PRKCB: variants seen among roughly 807,000 people sequenced by gnomAD.
PRKCB encodes the protein protein kinase C beta, also known as protein kinase C beta type.
Under a neutral mutation model 81.5 loss-of-function variants are expected in PRKCB, and 13 were observed. The observed-to-expected ratio is 0.16, with a 90% CI of 0.10 to 0.25. The LOEUF (loss-of-function observed/expected upper bound fraction) is 0.25. Ranked by LOEUF, PRKCB falls within the 10% of genes least tolerant of loss-of-function variation. PRKCB has a pLI of 1.00. For synonymous variants in PRKCB, 335 were observed against 321.4 expected (o/e 1.04, Z -0.45); for missense variants, 509 against 875.7 (o/e 0.58, Z 5.29).
intron 12 of PRKCB, among the ~76,000 whole-genome samples, chr16:24,180,286 T>C (rs1967598467): frequency 6.6e-6 from 1 of 152,206 alleles, no homozygotes; most frequent in Non-Finnish European, 1.5e-5. Flanking sequence ...TCCTGGGTCA[T>C]GTCCTAGAAG....
At chr16:24,040,021 C>T (rs1021728697) in intron 5 of PRKCB, among the ~76,000 whole-genome samples, 2 of 152,194 alleles carry the variant, frequency 1.3e-5, no homozygotes, top group Admixed American at 1.3e-4. Flanking sequence ...TTAGGATTTT[C>T]CACTGACCAT....
intron 2 of PRKCB, chr16:23,893,090 T>G (rs1174210506): frequency 1.3e-5 from 2 of 152,170 alleles, no homozygotes; most frequent in African/African-American, 4.8e-5. Context: ...CTGAGATCTT[T>G]GGACAACTCC....
chr16:23,989,989 A>G lies in PRKCB; in HGVS notation c.288+1399A>G, dbSNP rs564290514. On this transcript the variant is annotated intron_variant, in intron 3 of 16. Transcript: ENST00000643927. Reference sequence around the variant, plus strand: ...TTGTCCTCTTGGGCATTTTTGTACAAGGATATAATGCTTGGAGTTGTGGCA... The same window carrying G: ...TTGTCCTCTTGGGCATTTTTGTACAGGGATATAATGCTTGGAGTTGTGGCA... Among the ~76,000 whole-genome samples, 5 of 152,240 alleles carry G rather than the reference A, an allele frequency of 3.3e-5. No individual in the cohort carries two copies. The South Asian group carries it at 1.0e-3, about 32-fold the overall frequency.
chr16:24,147,362 C>T (rs1967009204), intron 9 of PRKCB, among the ~76,000 whole-genome samples: 1 of 151,652 alleles, frequency 6.6e-6, no homozygotes, highest in Non-Finnish European at 1.5e-5. Context: ...CTGCCCAAGC[C>T]ACTTGATGGA....
chr16:23,839,349 C>T (rs1057413195), intron 2 of PRKCB, among the ~76,000 whole-genome samples: 4 of 146,178 alleles, frequency 2.7e-5, no homozygotes, highest in African/African-American at 7.6e-5. Flanking sequence ...TCAGAGCTCA[C>T]TGCAGCCTCA....
intron 10 of PRKCB, among the ~76,000 whole-genome samples, chr16:24,164,210 T>G (rs1275572969): frequency 6.6e-6 from 1 of 152,140 alleles, no homozygotes; most frequent in East Asian, 1.9e-4. Context: ...TAGGGGAAGA[T>G]TGTCTCTTTG....
chr16:23,839,610 T>G (rs182083026), intron 2 of PRKCB, among the ~76,000 whole-genome samples: 14 of 120,456 alleles, frequency 1.2e-4, no homozygotes, highest in Non-Finnish European at 1.9e-4. Context: ...CTTTTTCTCT[T>G]CCCTGCCTCC....
At chr16:24,111,598 G>A (rs2141917518) in intron 7 of PRKCB, among the ~76,000 whole-genome samples, 1 of 150,178 alleles carries the variant, frequency 6.7e-6, no homozygotes, top group Non-Finnish European at 1.5e-5. Flanking sequence ...ACTGGCCTGA[G>A]CAACATAGCA....
chr16:24,020,941 C>G (rs1369871790), intron 3 of PRKCB, among the ~76,000 whole-genome samples: 2 of 151,800 alleles, frequency 1.3e-5, no homozygotes, highest in East Asian at 3.9e-4. Flanking sequence ...GTGGGCAAAG[C>G]TGCACAGCCC....
intron 3 of PRKCB, among the ~76,000 whole-genome samples, chr16:24,010,703 G>A (rs1018714497): frequency 1.2e-4 from 19 of 152,158 alleles, no homozygotes; most frequent in African/African-American, 4.6e-4. Context: ...ATCTGCAGGT[G>A]AGCCTGGAAG....
At chr16:23,858,065 G>A (rs1962601515) in intron 2 of PRKCB, among the ~76,000 whole-genome samples, 1 of 151,550 alleles carries the variant, frequency 6.6e-6, no homozygotes, top group Non-Finnish European at 1.5e-5. Flanking sequence ...TGTAACTTCA[G>A]AATTGATGGT....
intron 9 of PRKCB, 80 bp downstream of exon 9, chr16:24,124,061 G>T (rs934703106): frequency 6.6e-7 from 1 of 1,514,026 alleles, no homozygotes; most frequent in Non-Finnish European, 9.1e-7. Context: ...CCTATGGGAC[G>T]GACGTCCTAG....
chr16:24,083,248 G>T (rs1966271778), intron 5 of PRKCB, among the ~76,000 whole-genome samples: 1 of 152,170 alleles, frequency 6.6e-6, no homozygotes, highest in Non-Finnish European at 1.5e-5. Context: ...ATCACTGTGG[G>T]AATGCAAAAT....
intron 1 of PRKCB, chr16:23,837,118 C>T (rs373275245): frequency 7.1e-6 from 4 of 563,870 alleles, no homozygotes; most frequent in Non-Finnish European, 1.3e-5. Context: ...GCCCCTACCC[C>T]GACGGAAACG....
intron 9 of PRKCB, among the ~76,000 whole-genome samples, chr16:24,144,906 G>A (rs967258881): frequency 1.3e-5 from 2 of 152,194 alleles, no homozygotes; most frequent in Non-Finnish European, 1.5e-5. Flanking sequence ...CAAAGAAAAT[G>A]CCTGCCCTCA....
intron 13 of PRKCB, among the ~76,000 whole-genome samples, chr16:24,183,591 G>T (rs1596587110): frequency 6.6e-6 from 1 of 152,204 alleles, no homozygotes; most frequent in Admixed American, 6.5e-5. Flanking sequence ...AGTTAAACAA[G>T]CAATAACTGA....
chr16:24,090,840 G>T (rs1185705898), intron 5 of PRKCB, among the ~76,000 whole-genome samples: 1 of 152,078 alleles, frequency 6.6e-6, no homozygotes, highest in Non-Finnish European at 1.5e-5. Context: ...TATGATTGGG[G>T]GTGAGCAAAG....
intron 2 of PRKCB, among the ~76,000 whole-genome samples, chr16:23,911,577 T>TTAA (rs765785918): frequency 3.3e-5 from 5 of 152,150 alleles, no homozygotes; most frequent in Non-Finnish European, 5.9e-5. Flanking sequence ...AAGAAAACTA[T>TTAA]TAATCATATT....
At chr16:24,084,282 G>A (rs1391286265) in intron 5 of PRKCB, among the ~76,000 whole-genome samples, 4 of 152,112 alleles carry the variant, frequency 2.6e-5, no homozygotes, top group Admixed American at 2.0e-4. Context: ...ATTCAAAGTA[G>A]AGTTCAAGAC....
Sources: allele counts gnomAD v4.1 joint callset (sites outside exome capture counted in the v4.1 genomes callset), GRCh38; gene constraint gnomAD v4.1.1; transcripts MANE v1.5; gene names NCBI Gene and HGNC (gene_info 2026-07-23, HGNC 2026-07-21).